Variants in JAKMIP3 observed in about 807,000 individuals in gnomAD.
The protein encoded by JAKMIP3 is janus kinase and microtubule-interacting protein 3.
In JAKMIP3, 58 loss-of-function variants were observed where a neutral mutation model predicts 118.5. The ratio of observed to expected loss-of-function variants is 0.49; its 90% CI spans 0.40 to 0.61. JAKMIP3 has a LOEUF of 0.61. Ranked by LOEUF, JAKMIP3 falls within the 20% of genes least tolerant of loss-of-function variation. JAKMIP3 has a pLI of 0.00. For synonymous variants in JAKMIP3, 486 were observed against 451.2 expected (o/e 1.08, Z -0.98); for missense variants, 950 against 1,109.0 (o/e 0.86, Z 2.04).
chr10:132,130,016 T>C (rs1055003259), intron 3 of JAKMIP3, among the ~76,000 whole-genome samples: 1 of 151,972 alleles, frequency 6.6e-6, no homozygotes, highest in Admixed American at 6.6e-5. Flanking sequence ...AGAGAAAAAT[T>C]CCCAAGGGTT....
In JAKMIP3 at chr10:132,180,604, CGTGTGTGTGT is replaced by C. The variant is rs1184491325; in HGVS notation, c.*1104-1751_*1104-1742del. On this transcript the variant is annotated intron_variant, in intron 23 of 23. Transcript: ENST00000684848. ...GCGTGCGCGTGTGTGTGTGCGTGCG[CGTGTGTGTGT>C]GCGTGTGTGTGCGTGTGTGCGTGCG... is the stretch of plus-strand genomic sequence containing the variant. 1.2e-3 allele frequency among the ~76,000 whole-genome samples: 14 copies of C among 11,988 alleles called. 3 individuals are homozygous for C. The East Asian group carries it at 0.017, about 14-fold the overall frequency. 7.9% of individuals were successfully genotyped at this position (11,988 alleles called of 152,430 possible).
intron 1 of JAKMIP3, among the ~76,000 whole-genome samples, chr10:132,053,479 G>A (rs1017826595): frequency 6.6e-6 from 1 of 152,230 alleles, no homozygotes; most frequent in Non-Finnish European, 1.5e-5. Context: ...CTGGGTGCTG[G>A]TGAATGCCCT....
At position 132,150,938 on chromosome 10, in the gene JAKMIP3, C is replaced by T. The variant is rs116576026; in HGVS notation, c.2007+897C>T. On this transcript the variant is annotated intron_variant, in intron 16 of 23. Coordinates refer to ENST00000684848, the MANE Select transcript of JAKMIP3 (RefSeq NM_001323087.2). ...ATTTATCCATCATCCACAATCTGTC[C>T]ATCCATCCTCCATCTATCTATCATC... Among the ~76,000 whole-genome samples, 476 of 152,056 alleles carry T rather than the reference C, an allele frequency of 3.1e-3. 4 individuals carry two copies. Among genetic ancestry groups the T allele is most frequent in the African/African-American group, 9.8e-3 (406 of 41,442 alleles).
At chr10:132,057,241 G>A (rs759263389) in intron 1 of JAKMIP3, among the ~76,000 whole-genome samples, 3 of 152,176 alleles carry the variant, frequency 2.0e-5, no homozygotes, top group East Asian at 1.9e-4. Context: ...CGAAAGAGCC[G>A]GAGAGTGGGC....
intron 2 of JAKMIP3, among the ~76,000 whole-genome samples, chr10:132,105,196 T>C (rs1265565770): frequency 6.6e-6 from 1 of 152,236 alleles, no homozygotes; most frequent in Non-Finnish European, 1.5e-5. Context: ...CTCTGCTGCA[T>C]GGGGACAGCC....
At chr10:132,060,182 G>T (rs934230441), upstream of JAKMIP3, among the ~76,000 whole-genome samples, 1 of 152,158 alleles carries the variant, frequency 6.6e-6, no homozygotes, top group Non-Finnish European at 1.5e-5. Flanking sequence ...CACTAACTCT[G>T]GGTAGGGGAA....
intron 13 of JAKMIP3, among the ~76,000 whole-genome samples, chr10:132,146,809 C>T (rs1408465803): frequency 6.6e-6 from 1 of 152,224 alleles, no homozygotes; most frequent in Admixed American, 6.5e-5. Flanking sequence ...CCCGTGGACA[C>T]ACGGAACATC....
chr10:132,179,528 A>G lies in JAKMIP3; in HGVS notation c.*1104-2829A>G, dbSNP rs1168574851. Among the ~76,000 whole-genome samples the G allele has an allele frequency of 6.6e-6, 1 of 151,966 alleles. No individual in the cohort carries two copies. Among genetic ancestry groups the G allele is most frequent in the Non-Finnish European group, 1.5e-5 (1 of 67,960 alleles). On this transcript the variant is annotated intron_variant, in intron 23 of 23. Coordinates refer to ENST00000684848, the MANE Select transcript of JAKMIP3 (RefSeq NM_001323087.2). This position sits in a 1 kb window ranked among gnomAD's most constrained non-coding sequence, Gnocchi z 4.3. ...ACTCACATAAACATTTGCCACGTGA[A>G]TGGCCAAGTACGTAAAAGAATGCGC...
intron 1 of JAKMIP3, among the ~76,000 whole-genome samples, chr10:132,055,014 C>T (rs998874072): frequency 6.6e-6 from 1 of 152,072 alleles, no homozygotes; most frequent in Non-Finnish European, 1.5e-5. Flanking sequence ...TGCCCTCCTA[C>T]ACCGAGGATC....
At chr10:132,109,731 T>G (rs1001537710) in intron 2 of JAKMIP3, among the ~76,000 whole-genome samples, 7 of 152,326 alleles carry the variant, frequency 4.6e-5, no homozygotes, top group African/African-American at 1.7e-4. Context: ...GGGGAAGGGC[T>G]TGAGGCTGTA....
At chr10:132,165,709 C>T (rs549945164) in intron 21 of JAKMIP3, among the ~76,000 whole-genome samples, 3 of 152,350 alleles carry the variant, frequency 2.0e-5, no homozygotes, top group South Asian at 2.1e-4. Context: ...TTAGACGGGC[C>T]GTGTGTCATC....
rs764188577 is a variant in JAKMIP3 at position 132,163,365 on chromosome 10, G to A, written c.2377G>A (p.Ala793Thr). The A allele has an allele frequency of 5.0e-6, 8 of 1,608,416 alleles. No homozygotes were observed. The highest frequency in any genetic ancestry group is 3.3e-5 in the South Asian group (3 of 90,534). Residue 793 changes from alanine to threonine, a missense_variant, in exon 20 of 24, where the codon GCC (alanine) becomes ACC (threonine). By Grantham distance (58) the Ala-to-Thr change is moderately conservative. Coordinates refer to ENST00000684848, the MANE Select transcript of JAKMIP3 (RefSeq NM_001323087.2). ...CATGAGTGAGCTGCGCGAGCGGGAC[G>A]CCCAGATCCTGCGGGAGCGCATGGA... The part of the protein sequence containing the change: ...QVMSELRERD[A>T]QILRERMELL...
rs138935529 is a variant in JAKMIP3 at position 132,162,144 on chromosome 10, G to A, written c.2221-1065G>A. 3.5e-3 allele frequency among the ~76,000 whole-genome samples: 539 copies of A among 152,256 alleles called. 11 individuals carry two copies. Among genetic ancestry groups the A allele is most frequent in the African/African-American group, 0.012 (515 of 41,542 alleles). On this transcript the variant is annotated intron_variant, in intron 19 of 23. Coordinates refer to ENST00000684848, the MANE Select transcript of JAKMIP3 (RefSeq NM_001323087.2). The stretch of plus-strand genomic sequence containing the variant: ...CTGCTCTGCTTCTGGGAGACACTGG[G>A]GCAAGGAGGGGAATGACTGGTTCCT...
Position 132,166,935 on chromosome 10 carries a change from T to C in JAKMIP3, c.2491-48T>C, listed in dbSNP as rs1401256060. The C allele has an allele frequency of 2.9e-6, 4 of 1,362,814 alleles. No individual in the cohort carries two copies. The African/African-American group carries it at 5.8e-5, about 20-fold the overall frequency. The allele number at this position is 1,362,814 out of a possible 1,614,324, so 84.4% of individuals were successfully genotyped here. A position where few individuals can be genotyped will look rare whatever the true frequency, so the allele number is the denominator to read the frequency against. On this transcript the variant is annotated intron_variant, in intron 21 of 23. Coordinates refer to ENST00000684848, the MANE Select transcript of JAKMIP3 (RefSeq NM_001323087.2). ...TTGCCAGAAGCACTACAAACTCTTT[T>C]TTCTCTTTCTTTCCTTCCGTTTCTC...
At position 132,180,588 on chromosome 10, in the gene JAKMIP3, T is replaced by TGTGTGTGC. The variant is rs1565018860; in HGVS notation, c.*1104-1762_*1104-1761insCGTGTGTG. 5.4e-4 allele frequency among the ~76,000 whole-genome samples: 15 copies of TGTGTGTGC among 28,012 alleles called. 3 individuals carry two copies. Among genetic ancestry groups the TGTGTGTGC allele is most frequent in the African/African-American group, 3.1e-3 (13 of 4,182 alleles). 18.4% of individuals were successfully genotyped at this position (28,012 alleles called of 152,430 possible). On this transcript the variant is annotated intron_variant, in intron 23 of 23. Coordinates refer to ENST00000684848, the MANE Select transcript of JAKMIP3 (RefSeq NM_001323087.2). Reference sequence around the variant, plus strand: ...GTGTGCGTGTGTGTGTGCGTGCGCGTGTGTGTGTGCGTGCGCGTGTGTGTG... The same window carrying TGTGTGTGC: ...GTGTGCGTGTGTGTGTGCGTGCGCGTGTGTGTGCGTGTGTGTGCGTGCGCGTGTGTGTG...
intron 1 of JAKMIP3, among the ~76,000 whole-genome samples, chr10:132,053,816 C>T (rs1301187041): frequency 2.0e-5 from 3 of 151,754 alleles, no homozygotes; most frequent in Admixed American, 6.6e-5. Context: ...GGGCAGATCA[C>T]GAGGTCAGGA....
chr10:132,151,873 G>A (rs1022952473), intron 16 of JAKMIP3, among the ~76,000 whole-genome samples: 6 of 152,270 alleles, frequency 3.9e-5, no homozygotes, highest in African/African-American at 1.4e-4. Flanking sequence ...CAGGGGACCT[G>A]TGGAGATGCT....
chr10:132,176,360 C>T (rs1030904669), intron 23 of JAKMIP3, among the ~76,000 whole-genome samples: 15 of 152,242 alleles, frequency 9.9e-5, no homozygotes, highest in African/African-American at 3.6e-4. Context: ...CTCAGCACAG[C>T]ATCGTCCTCG....
intron 1 of JAKMIP3, among the ~76,000 whole-genome samples, chr10:132,098,069 T>C (rs1162491870): frequency 6.7e-6 from 1 of 150,106 alleles, no homozygotes; most frequent in East Asian, 2.0e-4. Context: ...AAGGTCTTCC[T>C]CTGTTGTCCA....
Sources: gnomAD v4.1 joint callset for allele counts (sites outside exome capture counted in the v4.1 genomes callset) on GRCh38, gnomAD v4.1.1 for gene constraint, Gnocchi (gnomAD v3.1) non-coding constraint, MANE v1.5 for transcripts, NCBI Gene and HGNC (gene_info 2026-07-23, HGNC 2026-07-21) for gene names.